The following SNX13 variants were observed in gnomAD, a reference collection of about 807,000 sequenced individuals.
SNX13 encodes the protein sorting nexin 13, also known as sorting nexin-13.
A neutral mutation model predicts 133.6 loss-of-function variants in SNX13; 45 were observed. The observed-to-expected ratio is 0.34, with a 90% confidence interval of 0.27 to 0.43. The LOEUF is 0.43. Among genes scored for constraint, SNX13 ranks in the 20% least tolerant of loss-of-function variants. The probability of loss-of-function intolerance (pLI) is 1.00; values close to 1 mark genes in which losing one functional copy is unlikely to be tolerated. For missense variants in SNX13, 1,032 were observed against 1,145.1 expected (o/e 0.90, Z 1.43); for synonymous variants, 414 against 373.9 (o/e 1.11, Z -1.24).
chr7:17,930,391 G>C (rs1436037484), intron 1 of SNX13, among the ~76,000 whole-genome samples: 1 of 151,992 alleles, frequency 6.6e-6, no homozygotes, highest in African/African-American at 2.4e-5. Context: ...TCAGAAATTA[G>C]GAATATTTGG....
At chr7:17,814,193 T>C (rs1027358506) in intron 20 of SNX13, among the ~76,000 whole-genome samples, 1 of 152,212 alleles carries the variant, frequency 6.6e-6, no homozygotes, top group Non-Finnish European at 1.5e-5. Context: ...CATAATGCTC[T>C]AATGAAATTT....
chr7:17,892,141 G>C (rs1169437700), intron 3 of SNX13, among the ~76,000 whole-genome samples: 1 of 151,784 alleles, frequency 6.6e-6, no homozygotes, highest in Non-Finnish European at 1.5e-5. Flanking sequence ...GGAAAAGGTA[G>C]TGGGAGATTC....
chr7:17,931,120 G>C (rs954217818), intron 1 of SNX13, among the ~76,000 whole-genome samples: 1 of 152,088 alleles, frequency 6.6e-6, no homozygotes, highest in Non-Finnish European at 1.5e-5. Context: ...TGAGCAGTTG[G>C]GTACCATACA....
chr7:17,856,750 C>A (rs1277920272), intron 9 of SNX13, among the ~76,000 whole-genome samples: 4 of 144,274 alleles, frequency 2.8e-5, no homozygotes, highest in African/African-American at 1.0e-4. Flanking sequence ...ATCATGCCAC[C>A]ACACTCCAGC....
intron 9 of SNX13, among the ~76,000 whole-genome samples, chr7:17,856,599 T>C (rs1357456126): frequency 6.6e-6 from 1 of 151,792 alleles, no homozygotes; most frequent in Non-Finnish European, 1.5e-5. Context: ...TAAGACCAGC[T>C]GGGCAACATA....
intron 1 of SNX13, among the ~76,000 whole-genome samples, chr7:17,929,655 C>T (rs1801167001): frequency 6.6e-6 from 1 of 152,158 alleles, no homozygotes; most frequent in African/African-American, 2.4e-5. Context: ...CTTCTCATGT[C>T]AGAAAACTAC....
chr7:17,850,426 G>A lies in SNX13; in HGVS notation c.986C>T (p.Thr329Ile). The A allele has an allele frequency of 1.3e-6, 2 of 1,563,260 alleles. No individual in the cohort carries two copies. Among genetic ancestry groups the A allele is most frequent in the Non-Finnish European group, 1.7e-6 (2 of 1,151,718 alleles). The change falls in exon 11 of 26, where the codon ACT (threonine) becomes ATT (isoleucine). Residue 329 changes from threonine (T) to isoleucine (I), a missense_variant. Coordinates refer to ENST00000428135, the MANE Select transcript of SNX13 (RefSeq NM_015132.5). ...TAAGCTATTTATTTGATTTTTGATA[G>A]TGTTGATATCTAAAAGCAAAGAAAT... ...SLDTAGDDIN[T>I]IKNQINSLLF...
intron 17 of SNX13, among the ~76,000 whole-genome samples, chr7:17,823,645 T>C (rs535363359): frequency 1.1e-4 from 17 of 152,342 alleles, no homozygotes; most frequent in African/African-American, 4.1e-4. Context: ...GCTCTGTAAG[T>C]AGCACTATTA....
intron 5 of SNX13, among the ~76,000 whole-genome samples, chr7:17,877,014 G>GAAGAT (rs1348908168): frequency 7.0e-5 from 8 of 113,712 alleles, no homozygotes; most frequent in Non-Finnish European, 1.0e-4. Flanking sequence ...AAAGGCTAGT[G>GAAGAT]AAGATGCTGA....
intron 1 of SNX13, among the ~76,000 whole-genome samples, chr7:17,917,377 T>C (rs1211310819): frequency 1.3e-5 from 2 of 152,196 alleles, no homozygotes; most frequent in Non-Finnish European, 2.9e-5. Flanking sequence ...ATAATTTCCC[T>C]TTGCTGACCA....
chr7:17,850,671 T>C (rs536099222), intron 10 of SNX13, among the ~76,000 whole-genome samples, 155 bp downstream of exon 10: 4 of 152,314 alleles, frequency 2.6e-5, no homozygotes, highest in Admixed American at 2.6e-4. Flanking sequence ...AAATAATGCT[T>C]TTACTTTAAC....
chr7:17,817,042 G>A (rs1786745165), intron 18 of SNX13, among the ~76,000 whole-genome samples: 1 of 152,108 alleles, frequency 6.6e-6, no homozygotes, highest in African/African-American at 2.4e-5. Flanking sequence ...AATAAATATT[G>A]ATACCTTTGC....
intron 13 of SNX13, among the ~76,000 whole-genome samples, chr7:17,838,282 A>G (rs923109910): frequency 1.3e-5 from 2 of 151,902 alleles, no homozygotes; most frequent in African/African-American, 4.8e-5. Context: ...GTTGATCATA[A>G]TATTTGCTTA....
intron 1 of SNX13, among the ~76,000 whole-genome samples, chr7:17,903,270 T>C (rs1397511258): frequency 6.6e-6 from 1 of 152,158 alleles, no homozygotes; most frequent in Non-Finnish European, 1.5e-5. Context: ...GGCCTATAGT[T>C]CTCTCATTTC....
intron 1 of SNX13, among the ~76,000 whole-genome samples, chr7:17,914,338 C>T (rs746814459): frequency 2.0e-5 from 3 of 152,048 alleles, no homozygotes; most frequent in Non-Finnish European, 4.4e-5. Context: ...GAAAATTTCA[C>T]CAATCTGTCT....
rs763175155 is a variant in SNX13 at position 17,799,026 on chromosome 7, A to G, written c.2427T>C (p.Tyr809=). The change falls in exon 23 of 26, where the codon TAT becomes TAC. Residue 809 remains tyrosine, a synonymous_variant. Coordinates refer to ENST00000428135, the MANE Select transcript of SNX13 (RefSeq NM_015132.5). The part of the protein sequence containing the change: ...NLLQQLIRAT[Y]GDTINRKIVD... ...AGTGCTACCTATTAATAGTATCGCC[A>G]TATGTAGCTCTAATAAGCTGTTGAA... The G allele has an allele frequency of 3.7e-6, 6 of 1,610,322 alleles. No homozygotes were observed. The highest frequency in any genetic ancestry group is 5.1e-6 in the Non-Finnish European group (6 of 1,177,718).
intron 1 of SNX13, among the ~76,000 whole-genome samples, chr7:17,908,884 A>G (rs1404969646): frequency 6.6e-6 from 1 of 152,188 alleles, no homozygotes; most frequent in African/African-American, 2.4e-5. Flanking sequence ...CAGGGGGGTC[A>G]GTCAGAGGAA....
chr7:17,893,815 A>G (rs1796907809), intron 2 of SNX13, among the ~76,000 whole-genome samples: 1 of 151,820 alleles, frequency 6.6e-6, no homozygotes, highest in Non-Finnish European at 1.5e-5. Flanking sequence ...TCTACTAAAA[A>G]TACAAAAATT....
In SNX13 at chr7:17,796,764, G is replaced by A. The variant is rs148395948; in HGVS notation, c.2626+63C>T. The A allele has an allele frequency of 1.0e-3, 1,257 of 1,204,862 alleles. 13 individuals carry two copies. The African/African-American group carries it at 0.017, about 16-fold the overall frequency. The allele number at this position is 1,204,862 out of a possible 1,614,324, so 74.6% of individuals were successfully genotyped here. ...CAAAAGGCAGTTACACTGGCATGAT[G>A]AATGCTAAAAACTCAGAAGAATGAC... On this transcript the variant is annotated intron_variant, in intron 25 of 25. Transcript: ENST00000428135.
Sources: allele counts gnomAD v4.1 joint callset (sites outside exome capture counted in the v4.1 genomes callset), GRCh38; gene constraint gnomAD v4.1.1; transcripts MANE v1.5; gene names NCBI Gene and HGNC (gene_info 2026-07-23, HGNC 2026-07-21).